The following RTRAF variants were observed in gnomAD, a reference collection of about 807,000 sequenced individuals.
RTRAF encodes tRNA-splicing ligase complex subunit RTRAF.
RTRAF carries 14 observed loss-of-function variants against 34.4 expected under a neutral mutation model. The ratio of observed to expected loss-of-function variants is 0.41; its 90% confidence interval spans 0.27 to 0.64. The LOEUF is 0.64. Ranked by LOEUF, RTRAF falls within the 30% of genes least tolerant of loss-of-function variation. The pLI is 0.34. For synonymous variants in RTRAF, 96 were observed against 95.3 expected, an observed-to-expected ratio of 1.01 and a Z score of -0.04; for missense variants, 291 against 288.4, an observed-to-expected ratio of 1.01 and a Z score of -0.06.
chr14:52,001,612 C>T (rs974077754), intron 5 of RTRAF, among the ~76,000 whole-genome samples, 186 bp from the exon 6 acceptor site: 1 of 152,058 alleles, frequency 6.6e-6, no homozygotes, highest in Non-Finnish European at 1.5e-5. Flanking sequence ...TATTAAAATA[C>T]TAGAAGTGTG....
Position 52,010,159 on chromosome 14 carries a change from G to T in RTRAF, c.*5643G>T, listed in dbSNP as rs1270126318. On this transcript the variant is annotated 3_prime_UTR_variant, in exon 8 of 8. Coordinates refer to ENST00000261700, the MANE Select transcript of RTRAF (RefSeq NM_016039.3). The stretch of plus-strand genomic sequence containing the variant: ...GAACCCAAAGTTTGAAACCACCTTT[G>T]AGGCACTGCACTAAGTATTTCATAG... The T allele has an allele frequency of 6.6e-6, 1 of 152,104 alleles. No individual in the cohort carries two copies. The highest frequency in any genetic ancestry group is 1.5e-5 in the Non-Finnish European group (1 of 68,014). The allele number at this position is 152,104 out of a possible 1,614,324, so 9.4% of individuals were successfully genotyped here.
chr14:52,004,284 C>T (rs1890666559), intron 7 of RTRAF, 42 bp downstream of exon 7: 1 of 1,591,910 alleles, frequency 6.3e-7, no homozygotes. Flanking sequence ...TTTTTACAGA[C>T]TGAATACTTG....
chr14:51,998,766 A>G (rs552860780), intron 4 of RTRAF, among the ~76,000 whole-genome samples, 186 bp downstream of exon 4: 5 of 151,998 alleles, frequency 3.3e-5, no homozygotes, highest in African/African-American at 1.2e-4. Context: ...TTCCCCTTGC[A>G]TTTGAATATC....
At chr14:52,003,370 T>G (rs1181846192) in intron 6 of RTRAF, among the ~76,000 whole-genome samples, 2 of 152,166 alleles carry the variant, frequency 1.3e-5, no homozygotes, top group African/African-American at 4.8e-5. Flanking sequence ...ATTGGTTTCT[T>G]CAGACTTACA....
chr14:51,992,183 T>A (rs1436816295), intron 2 of RTRAF, among the ~76,000 whole-genome samples: 2 of 152,234 alleles, frequency 1.3e-5, no homozygotes, highest in Non-Finnish European at 2.9e-5. Flanking sequence ...AGTAACACTT[T>A]TGCATAAAAA....
In RTRAF at chr14:52,004,345, C is replaced by A. The variant is rs1351638823; in HGVS notation, c.581-17C>A. 1 of 1,612,214 alleles carries A rather than the reference C, an allele frequency of 6.2e-7. No homozygotes were observed. The highest frequency in any genetic ancestry group is 1.7e-5 in the Admixed American group (1 of 59,696). ...AAAAATTATGTATTGAAGCAGTGTT[C>A]TTTTCTCATAAAACAGATGCAGTTC... is the stretch of plus-strand genomic sequence containing the variant. On this transcript the variant is annotated splice_polypyrimidine_tract_variant and intron_variant, in intron 7 of 7. Transcript: ENST00000261700.
At chr14:51,993,576 G>T in intron 2 of RTRAF, 147 bp from the exon 3 acceptor site, 1 of 569,248 alleles carries the variant, frequency 1.8e-6, no homozygotes, top group Non-Finnish European at 3.1e-6. Context: ...CCTTCTGTTG[G>T]GTTATATAAT....
chr14:52,006,649 G>C lies in RTRAF; in HGVS notation c.*2133G>C, dbSNP rs924194084. 3.6e-5 allele frequency: 58 copies of C among 1,613,178 alleles called. No homozygotes were observed. The highest frequency in any genetic ancestry group is 4.7e-5 in the Non-Finnish European group (56 of 1,179,562). ...GTTCCATCAGGTAGTGTACACTCCAGTTTTTTGGTTCCTTTTAAAACAAAG... is the reference window on the plus strand; with the variant it reads ...GTTCCATCAGGTAGTGTACACTCCACTTTTTTGGTTCCTTTTAAAACAAAG... On this transcript the variant is annotated 3_prime_UTR_variant, in exon 8 of 8. Transcript: ENST00000261700.
At position 51,994,137 on chromosome 14, in the gene RTRAF, G is replaced by A. The variant is rs150058910; in HGVS notation, c.286+315G>A. Among the ~76,000 whole-genome samples the A allele has an allele frequency of 2.0e-5, 3 of 152,298 alleles. No individual in the cohort carries two copies. In the East Asian group the frequency reaches 5.8e-4, roughly 29 times the overall value. On this transcript the variant is annotated intron_variant, in intron 3 of 7. Coordinates refer to ENST00000261700, the MANE Select transcript of RTRAF (RefSeq NM_016039.3). ...GTCCCAGAATTGATGGGACTTTGAAGTGTTGTTGCAGTAGGTAATTTCTCA... is the reference window on the plus strand; with the variant it reads ...GTCCCAGAATTGATGGGACTTTGAAATGTTGTTGCAGTAGGTAATTTCTCA...
intron 2 of RTRAF, 101 bp downstream of exon 2, chr14:51,991,542 T>A: frequency 7.4e-7 from 1 of 1,355,176 alleles, no homozygotes; most frequent in Non-Finnish European, 1.0e-6. Flanking sequence ...AAAATGATAA[T>A]GATCAGTGTT....
chr14:51,999,977 TATGCTAAATCC>T (rs1195429712), intron 5 of RTRAF, 181 bp downstream of exon 5: 5 of 510,842 alleles, frequency 9.8e-6, no homozygotes, highest in Non-Finnish European at 1.7e-5. Flanking sequence ...CTGCCTGCAC[TATGCTAAATCC>T]TTTGCAAAGA....
At chr14:51,997,411 C>T (rs1223595860) in intron 3 of RTRAF, among the ~76,000 whole-genome samples, 1 of 151,736 alleles carries the variant, frequency 6.6e-6, no homozygotes, top group Non-Finnish European at 1.5e-5. Flanking sequence ...GATTATAATC[C>T]TTTCTGTCAT....
intron 5 of RTRAF, among the ~76,000 whole-genome samples, chr14:52,001,295 A>G (rs1245281176): frequency 6.6e-6 from 1 of 152,200 alleles, no homozygotes; most frequent in Non-Finnish European, 1.5e-5. Flanking sequence ...CTTGGTGATT[A>G]AAACCACCAA....
chr14:51,991,471 CAG>C (rs775147416), intron 2 of RTRAF, 30 bp downstream of exon 2: 3 of 1,588,024 alleles, frequency 1.9e-6, no homozygotes, highest in African/African-American at 2.7e-5. Flanking sequence ...AGTAAAAATA[CAG>C]AGAGTTTGTC....
chr14:52,000,370 C>T (rs892902139), intron 5 of RTRAF, among the ~76,000 whole-genome samples: 1 of 152,120 alleles, frequency 6.6e-6, no homozygotes, highest in African/African-American at 2.4e-5. Context: ...TCCCAGTAAT[C>T]TGAAAGAGGT....
Position 52,006,389 on chromosome 14 carries a change from G to T in RTRAF, c.*1873G>T. ...TGAAAGGATGAAAAACATCCTTGAA[G>T]GATCTTATCTGCCAATGAGGAGGTG... is the stretch of plus-strand genomic sequence containing the variant. On this transcript the variant is annotated 3_prime_UTR_variant, in exon 8 of 8. Coordinates refer to ENST00000261700, the MANE Select transcript of RTRAF (RefSeq NM_016039.3). The T allele has an allele frequency of 3.8e-6, 3 of 797,842 alleles. No individual in the cohort carries two copies. The highest frequency in any genetic ancestry group is 6.1e-6 in the Non-Finnish European group (3 of 495,306). 49.4% of individuals were successfully genotyped at this position (797,842 alleles called of 1,614,324 possible). A position where few individuals can be genotyped will look rare whatever the true frequency, so the allele number is the denominator to read the frequency against.
rs1890762095 is a variant in RTRAF, at chr14:52,005,943, T to C, written c.*1427T>C. On this transcript the variant is annotated 3_prime_UTR_variant, in exon 8 of 8. Transcript: ENST00000261700. ...GAAAATCAGTTGCAATAGAGGAAAA[T>C]TTCTGGCAGCCTTCTCTGTCCCAGG... is the stretch of plus-strand genomic sequence containing the variant. 9.0e-6 allele frequency: 8 copies of C among 892,698 alleles called. No homozygotes were observed. The highest frequency in any genetic ancestry group is 1.5e-5 in the Non-Finnish European group (8 of 545,282). 55.3% of individuals were successfully genotyped at this position (892,698 alleles called of 1,614,324 possible). A position where few individuals can be genotyped will look rare whatever the true frequency, so the allele number is the denominator to read the frequency against.
chr14:51,998,741 T>C (rs1237608726), intron 4 of RTRAF, among the ~76,000 whole-genome samples, 161 bp downstream of exon 4: 1 of 151,990 alleles, frequency 6.6e-6, no homozygotes, highest in Non-Finnish European at 1.5e-5. Flanking sequence ...AATGTTTTTA[T>C]GATGTGCTTT....
rs1890555901 is a variant in RTRAF at position 51,998,536 on chromosome 14, C to G, written c.329C>G (p.Ala110Gly). Residue 110 changes from alanine to glycine, a missense_variant, in exon 4 of 8, where the codon GCT becomes GGT. Transcript: ENST00000261700. ...TTAGTACCTGATAATTCAAAAACTG[C>G]TGACAATGCAACTAAAAATGCAGAA... Reference protein sequence around the residue: ...KDLVPDNSKTADNATKNAEPL... With the variant: ...KDLVPDNSKTGDNATKNAEPL... 1 of 1,590,862 alleles carries G rather than the reference C, an allele frequency of 6.3e-7. No homozygotes were observed. The highest frequency in any genetic ancestry group is 2.3e-5 in the East Asian group (1 of 43,290).
Sources: gnomAD v4.1 joint callset for allele counts (sites outside exome capture counted in the v4.1 genomes callset) on GRCh38, gnomAD v4.1.1 for gene constraint, MANE v1.5 for transcripts, NCBI Gene and HGNC (gene_info 2026-07-23, HGNC 2026-07-21) for gene names.